Variants in WDR19 observed in about 807,000 individuals in gnomAD.
WDR19 encodes WD repeat-containing protein 19.
A neutral mutation model predicts 180.0 loss-of-function variants in WDR19; 121 were observed. The observed-to-expected ratio is 0.67, with a 90% confidence interval of 0.58 to 0.78. The LOEUF is 0.78. Among genes scored for constraint, WDR19 ranks in the 30% least tolerant of loss-of-function variants. The pLI, the probability that WDR19 is intolerant of heterozygous loss-of-function variation, is 0.00. For synonymous variants in WDR19, 497 were observed against 540.7 expected, an observed-to-expected ratio of 0.92 and a Z score of 1.12; for missense variants, 1,450 against 1,640.7, an observed-to-expected ratio of 0.88 and a Z score of 2.01.
intron 28 of WDR19, among the ~76,000 whole-genome samples, chr4:39,260,008 C>T (rs978316474): frequency 2.0e-5 from 3 of 152,042 alleles, no homozygotes; most frequent in Non-Finnish European, 4.4e-5. Flanking sequence ...TTATATGGGC[C>T]TTAAGTCTCT....
chr4:39,237,407 AAAAG>A (rs1318074838), intron 20 of WDR19, among the ~76,000 whole-genome samples: 5 of 152,022 alleles, frequency 3.3e-5, no homozygotes, highest in Admixed American at 1.3e-4. Context: ...AAAGAAAAAA[AAAAG>A]AAAAGCTAGC....
At chr4:39,262,935 A>G (rs571973145) in intron 28 of WDR19, among the ~76,000 whole-genome samples, 15 of 150,172 alleles carry the variant, frequency 1.0e-4, no homozygotes, top group African/African-American at 3.2e-4. Flanking sequence ...TCCCCTGGGG[A>G]AAAAAAAAAT....
chr4:39,197,537 C>T (rs916463864), intron 5 of WDR19, among the ~76,000 whole-genome samples: 1 of 151,960 alleles, frequency 6.6e-6, no homozygotes, highest in African/African-American at 2.4e-5. Flanking sequence ...AGTCTGGCTC[C>T]AGAATCTATA....
Position 39,228,376 on chromosome 4 carries a change from G to T in WDR19, c.1777+19G>T. The T allele has an allele frequency of 6.2e-7, 1 of 1,603,340 alleles. No homozygotes were observed. Among genetic ancestry groups the T allele is most frequent in the East Asian group, 2.2e-5 (1 of 44,656 alleles). ...ATACAAGGTACTAAACCCCTTTTGT[G>T]TATATTCGCTGACAGATGAATTTCC... On this transcript the variant is annotated intron_variant, in intron 16 of 36. Transcript: ENST00000399820.
At chr4:39,205,869 G>A (rs2109301919) in intron 9 of WDR19, 133 bp downstream of exon 9, 2 of 835,194 alleles carry the variant, frequency 2.4e-6, no homozygotes, top group East Asian at 2.8e-5. Context: ...CTTTGCTCCT[G>A]ATTTTAATAT....
rs1400002905 is a variant in WDR19 at position 39,285,671 on chromosome 4, A to ATAT, written c.*203_*205dup. On this transcript the variant is annotated 3_prime_UTR_variant, in exon 37 of 37. Transcript: ENST00000399820. ...AACCTTGCTGTTTATTGTACTTTGT[A>ATAT]TATTATTTCCTCTTCAAAGTCTTTC... 3 of 152,302 alleles carry ATAT rather than the reference A, an allele frequency of 2.0e-5. No homozygotes were observed. The highest frequency in any genetic ancestry group is 1.5e-5 in the Non-Finnish European group (1 of 68,020). The allele number at this position is 152,302 out of a possible 1,614,324, so 9.4% of individuals were successfully genotyped here.
At chr4:39,259,131 T>C (rs1238375905) in intron 28 of WDR19, among the ~76,000 whole-genome samples, 1 of 152,182 alleles carries the variant, frequency 6.6e-6, no homozygotes, top group African/African-American at 2.4e-5. Context: ...ATATTTCCCT[T>C]ACGTTTTCTT....
Position 39,205,242 on chromosome 4 carries a change from T to C in WDR19, c.692T>C (p.Phe231Ser). Residue 231 changes from phenylalanine to serine, a missense_variant, in exon 8 of 37, where the codon TTT becomes TCT. By Grantham distance (155) the Phe-to-Ser change is radical. Transcript: ENST00000399820. ...GCTGATCTTGAATTTCAGCAGGACT[T>C]TGGCAACATTGTCTGCTATAATTGG... ...NPADLEFQQD[F>S]GNIVCYNWYG... 1 of 1,598,854 alleles carries C rather than the reference T, an allele frequency of 6.3e-7. No homozygotes were observed. The highest frequency in any genetic ancestry group is 8.5e-7 in the Non-Finnish European group (1 of 1,171,992).
At position 39,246,541 on chromosome 4, in the gene WDR19, G is replaced by A. The variant is rs1009526327; in HGVS notation, c.2729+1089G>A. Reference sequence around the variant, plus strand: ...GGGTGCAGCGCACCGTGTGTAAGCCGAAGCAGTGCAAGGCATCGCCTCACC... The same window carrying A: ...GGGTGCAGCGCACCGTGTGTAAGCCAAAGCAGTGCAAGGCATCGCCTCACC... On this transcript the variant is annotated intron_variant, in intron 24 of 36. Coordinates refer to ENST00000399820, the MANE Select transcript of WDR19 (RefSeq NM_025132.4). Among the ~76,000 whole-genome samples, 6 of 152,316 alleles carry A rather than the reference G, an allele frequency of 3.9e-5. No homozygotes were observed. The South Asian group carries it at 6.2e-4, about 16-fold the overall frequency.
chr4:39,226,647 T>C (rs1730292461), intron 15 of WDR19, among the ~76,000 whole-genome samples: 1 of 152,218 alleles, frequency 6.6e-6, no homozygotes, highest in South Asian at 2.1e-4. Flanking sequence ...CTCTGTACTT[T>C]AGTTTCTTCA....
chr4:39,273,158 C>A, intron 32 of WDR19, 97 bp downstream of exon 32: 1 of 892,390 alleles, frequency 1.1e-6, no homozygotes, highest in Non-Finnish European at 1.7e-6. Flanking sequence ...TACACTAACT[C>A]GTTTAATTCT....
intron 21 of WDR19, among the ~76,000 whole-genome samples, chr4:39,242,242 T>G (rs1388129032): frequency 6.6e-6 from 1 of 151,936 alleles, no homozygotes; most frequent in Non-Finnish European, 1.5e-5. Context: ...TTTTTTATTT[T>G]TATAATAAAA....
chr4:39,209,382 A>T (rs978726333), intron 9 of WDR19, among the ~76,000 whole-genome samples: 1 of 152,180 alleles, frequency 6.6e-6, no homozygotes, highest in Admixed American at 6.5e-5. Context: ...CATTAGGGGG[A>T]AAAAGGGCCT....
chr4:39,213,945 A>AG (rs1339576974), intron 9 of WDR19, among the ~76,000 whole-genome samples: 2 of 152,196 alleles, frequency 1.3e-5, no homozygotes, highest in Non-Finnish European at 2.9e-5. Context: ...GAAAATAATG[A>AG]GGGAAAAAAG....
intron 36 of WDR19, among the ~76,000 whole-genome samples, chr4:39,281,264 A>G (rs1304706558): frequency 2.0e-5 from 2 of 99,476 alleles, no homozygotes; most frequent in African/African-American, 4.8e-5. Flanking sequence ...GAGAGAGAGA[A>G]AGCCTACTAA....
chr4:39,234,797 C>T lies in WDR19; in HGVS notation c.2285C>T (p.Ala762Val), dbSNP rs774388282. The T allele has an allele frequency of 1.9e-6, 3 of 1,583,598 alleles. No homozygotes were observed. Among genetic ancestry groups the T allele is most frequent in the Non-Finnish European group, 2.6e-6 (3 of 1,163,604 alleles). Residue 762 changes from alanine to valine, a missense_variant, in exon 20 of 37, where the codon GCT becomes GTT. Transcript: ENST00000399820. The stretch of plus-strand genomic sequence containing the variant: ...AGGGATTTACAGCATTGGGACAGTG[C>T]TCTACAACTGGCAAAGCATTTGGCC... ...MRRDLQHWDS[A>V]LQLAKHLAPD...
intron 36 of WDR19, among the ~76,000 whole-genome samples, 177 bp from the exon 37 acceptor site, chr4:39,285,310 C>CTAA (rs1375487661): frequency 6.6e-6 from 1 of 152,150 alleles, no homozygotes; most frequent in African/African-American, 2.4e-5. Context: ...GTTGGCAAGG[C>CTAA]TAATACTGAA....
In WDR19 at chr4:39,255,858, C is replaced by T; in HGVS notation, c.3012C>T (p.Asp1004=). ...EIYADIIGSE[D]TTNEDYQSIA... is the part of the protein sequence containing the mutation. ...AAACTTCTGTTACAGGTTCTGAAGA[C>T]ACTACTAATGAAGACTATCAAAGCA... Residue 1004 remains aspartate (D), a synonymous_variant, in exon 27 of 37, where the codon GAC becomes GAT. Coordinates refer to ENST00000399820, the MANE Select transcript of WDR19 (RefSeq NM_025132.4). 1.9e-6 allele frequency: 3 copies of T among 1,587,908 alleles called. No individual in the cohort carries two copies. The highest frequency in any genetic ancestry group is 2.6e-6 in the Non-Finnish European group (3 of 1,166,088).
At chr4:39,202,194 G>T (rs899253929) in intron 6 of WDR19, among the ~76,000 whole-genome samples, 3 of 152,052 alleles carry the variant, frequency 2.0e-5, no homozygotes. Flanking sequence ...CCTCTTCATA[G>T]TTTTATCTTT....
Sources: allele counts gnomAD v4.1 joint callset (sites outside exome capture counted in the v4.1 genomes callset), GRCh38; gene constraint gnomAD v4.1.1; transcripts MANE v1.5; gene names NCBI Gene and HGNC (gene_info 2026-07-23, HGNC 2026-07-21).